NOTCH4: variants seen among roughly 807,000 people sequenced by gnomAD.
The protein encoded by NOTCH4 is neurogenic locus notch homolog protein 4.
NOTCH4 carries 138 observed loss-of-function variants against 189.0 expected under a neutral mutation model. That is an observed-to-expected ratio of 0.73 (90% CI 0.64 to 0.84). The LOEUF (loss-of-function observed/expected upper bound fraction) is 0.84. Among genes scored for constraint, NOTCH4 ranks in the 40% least tolerant of loss-of-function variants. NOTCH4 has a pLI of 0.00. For missense variants in NOTCH4, 2,286 were observed against 2,605.4 expected (o/e 0.88, Z 2.67); for synonymous variants, 942 against 1,032.8 (o/e 0.91, Z 1.69).
chr6:32,223,236 G>A (rs891170579), intron 1 of NOTCH4, 150 bp from the exon 2 acceptor site: 1 of 678,558 alleles, frequency 1.5e-6, no homozygotes. Flanking sequence ...TCTCCACATG[G>A]TACCCAGCCC....
In NOTCH4 at chr6:32,201,470, G is replaced by T. The variant is rs767961644; in HGVS notation, c.3786C>A (p.His1262Gln). 5.9e-6 allele frequency: 9 copies of T among 1,526,664 alleles called. No homozygotes were observed. The highest frequency in any genetic ancestry group is 7.9e-6 in the Non-Finnish European group (9 of 1,138,828). 94.6% of individuals were successfully genotyped at this position (1,526,664 alleles called of 1,614,324 possible). ...CTTTCTCACAGTGCCCGTTGTGGAAGTGATCATGGCAGTACTGGTCATAGG... is the reference window on the plus strand; with the variant it reads ...CTTTCTCACAGTGCCCGTTGTGGAATTGATCATGGCAGTACTGGTCATAGG... ...TPAYDQYCHD[H>Q]FHNGHCEKGC... is the part of the protein sequence containing the mutation. The change falls in exon 22 of 30, where the codon CAC (histidine) becomes CAA (glutamine). Residue 1262 changes from histidine to glutamine, a missense_variant. Around this residue, in one of 2 missense-constraint regions of NOTCH4, gnomAD observed 1,903 missense variants for 2,261.9 expected, o/e 0.84. Coordinates refer to ENST00000375023, the MANE Select transcript of NOTCH4 (RefSeq NM_004557.4). This position sits in a 1 kb window ranked among gnomAD's most constrained non-coding sequence, Gnocchi z 5.5.
At chr6:32,215,891 G>C (rs1231165532) in intron 11 of NOTCH4, 3 of 148,166 alleles carry the variant, frequency 2.0e-5, no homozygotes, top group Non-Finnish European at 2.9e-5. Context: ...ATCTTGCTCT[G>C]TCACCCAGGC....
At position 32,201,424 on chromosome 6, in the gene NOTCH4, C is replaced by T. The variant is rs1342965791; in HGVS notation, c.3832G>A (p.Gly1278Ser). The change falls in exon 22 of 30, where the codon GGC (glycine) becomes AGC (serine). Residue 1278 changes from glycine to serine, a missense_variant. This residue lies in a region of NOTCH4 where 1,903 missense variants were observed against 2,261.9 expected (regional missense o/e 0.84). Transcript: ENST00000375023. The surrounding 1 kb of genome is among the most constrained non-coding windows in gnomAD (Gnocchi z 5.5). Reference protein sequence around the residue: ...CEKGCNTAECGWDGGDCRPED... With the variant: ...CEKGCNTAECSWDGGDCRPED... ...GGCCTGCAGTCACCTCCATCCCAGC[C>T]ACACTCTGCAGTGTTGCAGCCTTTC... 1 of 1,554,906 alleles carries T rather than the reference C, an allele frequency of 6.4e-7. No homozygotes were observed. The highest frequency in any genetic ancestry group is 8.7e-7 in the Non-Finnish European group (1 of 1,152,390).
At chr6:32,196,451 C>T (rs1787932375) in intron 28 of NOTCH4, 30 bp from the exon 29 acceptor site, 7 of 1,609,636 alleles carry the variant, frequency 4.3e-6, no homozygotes, top group Non-Finnish European at 5.9e-6. Context: ...GTTGTTACCC[C>T]AGTTGGGGGC....
chr6:32,197,579 A>G lies in NOTCH4; in HGVS notation c.4772T>C (p.Leu1591Pro), dbSNP rs1388009193. 2 of 1,611,384 alleles carry G rather than the reference A, an allele frequency of 1.2e-6. No homozygotes were observed. The highest frequency in any genetic ancestry group is 2.2e-5 in the East Asian group (1 of 44,780). The change falls in exon 27 of 30, where the codon CTG becomes CCG. Residue 1591 changes from leucine (L) to proline (P), a missense_variant. Transcript: ENST00000375023. The stretch of plus-strand genomic sequence containing the variant: ...TTCCCCACAGCAAACTGCTGACATC[A>G]GGGGTGTCACCCCATCTGTTGGTAA... ...DTRGPDGVTPLMSAVCCGEVQ... is the reference protein window; with the variant it reads ...DTRGPDGVTPPMSAVCCGEVQ...
chr6:32,219,875 G>A lies in NOTCH4; in HGVS notation c.1316-89C>T, dbSNP rs578104317. 60 of 1,158,158 alleles carry A rather than the reference G, an allele frequency of 5.2e-5. No individual in the cohort carries two copies. In the Admixed American group the frequency reaches 1.2e-3, roughly 24 times the overall value. 71.7% of individuals were successfully genotyped at this position (1,158,158 alleles called of 1,614,324 possible). A position where few individuals can be genotyped will look rare whatever the true frequency, so the allele number is the denominator to read the frequency against. ...TGTCAGGGAAGGTGTGGGGGCCTGC[G>A]TGTGGCAGACGAGACCAAATTGGGG... is the stretch of plus-strand genomic sequence containing the variant. On this transcript the variant is annotated intron_variant, in intron 7 of 29. Transcript: ENST00000375023.
Position 32,217,260 on chromosome 6 carries a change from GA to G in NOTCH4, c.1630del (p.Ser544ProfsTer51), listed in dbSNP as rs1253479193. ...GFQCICLPGF[S>X]GTRCEEDIDE... ...GATATCCTCCTCACATCGGGTGCCG[GA>G]GAATCCTGGTGGGGCGGAAGTGGGT... On this transcript the variant is annotated frameshift_variant, in exon 10 of 30. Coordinates refer to ENST00000375023, the MANE Select transcript of NOTCH4 (RefSeq NM_004557.4). LOFTEE classifies it high-confidence loss of function. This position sits in a 1 kb window ranked among gnomAD's most constrained non-coding sequence, Gnocchi z 4.2. 1 of 1,611,690 alleles carries G rather than the reference GA, an allele frequency of 6.2e-7. No individual in the cohort carries two copies. Among genetic ancestry groups the G allele is most frequent in the Non-Finnish European group, 8.5e-7 (1 of 1,178,882 alleles).
rs766900262 is a variant in NOTCH4 at position 32,195,985 on chromosome 6, C to T, written c.5464G>A (p.Ala1822Thr). The T allele has an allele frequency of 4.4e-6, 7 of 1,598,550 alleles. No homozygotes were observed. In the Admixed American group the frequency reaches 5.0e-5, roughly 11 times the overall value. ...HWDLLTLLEG[A>T]GPPEARHKAT... Reference sequence around the variant, plus strand: ...TTGTGACGGGCCTCTGGTGGCCCAGCCCCTTCCAGCAGCGTCAGCAGATCC... The same window carrying T: ...TTGTGACGGGCCTCTGGTGGCCCAGTCCCTTCCAGCAGCGTCAGCAGATCC... The change falls in exon 30 of 30, where the codon GCT becomes ACT. Residue 1822 changes from alanine to threonine, a missense_variant. Ala to Thr is a moderately conservative substitution (Grantham distance 58). Transcript: ENST00000375023. This position sits in a 1 kb window ranked among gnomAD's most constrained non-coding sequence, Gnocchi z 5.4.
chr6:32,204,100 T>C (rs1360381378), intron 19 of NOTCH4, 37 bp downstream of exon 19: 2 of 1,607,220 alleles, frequency 1.2e-6, no homozygotes, highest in African/African-American at 1.3e-5. Flanking sequence ...TTGGCTGTGC[T>C]CCAGACACAC....
chr6:32,216,980 C>G lies in NOTCH4; in HGVS notation c.1826G>C (p.Gly609Ala). 1 of 1,613,112 alleles carries G rather than the reference C, an allele frequency of 6.2e-7. No individual in the cohort carries two copies. The highest frequency in any genetic ancestry group is 8.5e-7 in the Non-Finnish European group (1 of 1,180,034). The change falls in exon 11 of 30, where the codon GGA (glycine) becomes GCA (alanine). Residue 609 changes from glycine (G) to alanine (A), a missense_variant. Gly to Ala is a moderately conservative substitution (Grantham distance 60, BLOSUM62 0). Around this residue, in one of 2 missense-constraint regions of NOTCH4, gnomAD observed 1,903 missense variants for 2,261.9 expected, o/e 0.84. Transcript: ENST00000375023. ...AGAGGGGCAGAGGCAAAAGAAGGCT[C>G]CTGGAAGATCAAGGCAGCTGGCTCC... ...PVGASCLDLP[G>A]AFFCLCPSGF...
At position 32,197,589 on chromosome 6, in the gene NOTCH4, C is replaced by A. The variant is rs1582769705; in HGVS notation, c.4762G>T (p.Val1588Leu). 2 of 1,609,228 alleles carry A rather than the reference C, an allele frequency of 1.2e-6. No homozygotes were observed. The highest frequency in any genetic ancestry group is 4.5e-5 in the East Asian group (2 of 44,742). The change falls in exon 27 of 30, where the codon GTG (valine) becomes TTG (leucine). Residue 1588 changes from valine to leucine, a missense_variant. Physicochemically the swap from Val to Leu is conservative, Grantham distance 32. Transcript: ENST00000375023. ...PDLDTRGPDG[V>L]TPLMSAVCCG... is the part of the protein sequence containing the mutation. ...CAAACTGCTGACATCAGGGGTGTCA[C>A]CCCATCTGTTGGTAAGACAGAGTAA... is the stretch of plus-strand genomic sequence containing the variant.
Position 32,198,755 on chromosome 6 carries a change from G to A in NOTCH4, c.4536-25C>T, listed in dbSNP as rs1204431822. The A allele has an allele frequency of 1.9e-6, 3 of 1,590,956 alleles. No individual in the cohort carries two copies. Among genetic ancestry groups the A allele is most frequent in the Non-Finnish European group, 2.6e-6 (3 of 1,170,514 alleles). ...CCTGGAAAGGAATGGGTGGGTAGAGGTTACACGGAATTATGACCATCAGGG... is the reference window on the plus strand; with the variant it reads ...CCTGGAAAGGAATGGGTGGGTAGAGATTACACGGAATTATGACCATCAGGG... On this transcript the variant is annotated intron_variant, in intron 24 of 29. Transcript: ENST00000375023. The surrounding 1 kb of genome is among the most constrained non-coding windows in gnomAD (Gnocchi z 5.5).
rs138132429 is a variant in NOTCH4 at position 32,201,186 on chromosome 6, G to A, written c.4070C>T (p.Pro1357Leu). The change falls in exon 22 of 30, where the codon CCC becomes CTC. Residue 1357 changes from proline to leucine, a missense_variant. Transcript: ENST00000375023. This position sits in a 1 kb window ranked among gnomAD's most constrained non-coding sequence, Gnocchi z 5.5. ...AEEKLGGTRD[P>L]TYQERAAPQT... ...AGGGGCTGCTCTCTCCTGATAGGTGGGGTCCCGAGTTCCTCCTAGCTTTTC... is the reference window on the plus strand; with the variant it reads ...AGGGGCTGCTCTCTCCTGATAGGTGAGGTCCCGAGTTCCTCCTAGCTTTTC... 27 of 1,612,802 alleles carry A rather than the reference G, an allele frequency of 1.7e-5. No individual in the cohort carries two copies. In the African/African-American group the frequency reaches 2.5e-4, roughly 15 times the overall value.
In NOTCH4 at chr6:32,210,823, TCACGTGA is replaced by T. The variant is rs772072974; in HGVS notation, c.2787_2793del (p.Asp929GlufsTer117). The T allele has an allele frequency of 1.9e-6, 3 of 1,613,014 alleles. No homozygotes were observed. Among genetic ancestry groups the T allele is most frequent in the Non-Finnish European group, 2.5e-6 (3 of 1,179,998 alleles). On this transcript the variant is annotated frameshift_variant, in exon 18 of 30. Coordinates refer to ENST00000375023, the MANE Select transcript of NOTCH4 (RefSeq NM_004557.4). LOFTEE classifies it high-confidence loss of function. This position sits in a 1 kb window ranked among gnomAD's most constrained non-coding sequence, Gnocchi z 4.8. ...TGGCAAGGCCTGGACTCACATGGGT[TCACGTGA>T]TCCTGGCACAGGCTGCCTTGGAATC... is the stretch of plus-strand genomic sequence containing the variant.
At chr6:32,196,477 C>T (rs1295953358) in intron 28 of NOTCH4, 56 bp from the exon 29 acceptor site, 7 of 1,592,166 alleles carry the variant, frequency 4.4e-6, no homozygotes, top group Non-Finnish European at 6.0e-6. Flanking sequence ...GCCTGGGTTC[C>T]GGTTTCCCAC....
At position 32,222,510 on chromosome 6, in the gene NOTCH4, C is replaced by T. The variant is rs1789841771; in HGVS notation, c.451+1G>A. The T allele has an allele frequency of 1.3e-6, 2 of 1,523,914 alleles. No individual in the cohort carries two copies. Among genetic ancestry groups the T allele is most frequent in the African/African-American group, 1.4e-5 (1 of 71,486 alleles). 94.4% of individuals were successfully genotyped at this position (1,523,914 alleles called of 1,614,324 possible). On this transcript the variant is annotated splice_donor_variant, in intron 3 of 29. Transcript: ENST00000375023. LOFTEE classifies it high-confidence loss of function. ...TCCTGGCTGCCCCCAGCAGCGCTTA[C>T]CTGTCCATCCAGGCATGCAGGAGCA...
At chr6:32,214,421 C>T (rs996788600) in intron 12 of NOTCH4, among the ~76,000 whole-genome samples, 166 bp from the exon 13 acceptor site, 1 of 149,344 alleles carries the variant, frequency 6.7e-6, no homozygotes, top group African/African-American at 2.5e-5. Context: ...CCAACACCTG[C>T]TCATTTTCTC....
chr6:32,213,106 C>T (rs756935882), intron 15 of NOTCH4, 29 bp downstream of exon 15: 3 of 1,550,746 alleles, frequency 1.9e-6, no homozygotes, highest in East Asian at 2.3e-5. Context: ...GGGTTTTCTC[C>T]CTTCTAGGGG....
At chr6:32,219,541 T>A in intron 8 of NOTCH4, 51 bp downstream of exon 8, 1 of 1,540,506 alleles carries the variant, frequency 6.5e-7, no homozygotes, top group African/African-American at 1.4e-5. Context: ...TCCTAGTGGG[T>A]TCAGGACTAG....
Sources: gnomAD v4.1 joint callset for allele counts (sites outside exome capture counted in the v4.1 genomes callset) on GRCh38, gnomAD v4.1.1 for gene constraint, gnomAD v4.1.1 regional missense constraint, Gnocchi (gnomAD v3.1) non-coding constraint, MANE v1.5 for transcripts, NCBI Gene and HGNC (gene_info 2026-07-23, HGNC 2026-07-21) for gene names.